The following NPAS3 variants were observed in gnomAD, a reference collection of about 807,000 sequenced individuals.
The protein encoded by NPAS3 is neuronal PAS domain-containing protein 3.
NPAS3 carries 14 observed loss-of-function variants against 73.1 expected under a neutral mutation model. The ratio of observed to expected loss-of-function variants is 0.19; its 90% confidence interval spans 0.13 to 0.30. NPAS3 has a LOEUF of 0.30. Ranked by LOEUF, NPAS3 falls within the 10% of genes least tolerant of loss-of-function variation. The pLI is 1.00. For missense variants in NPAS3, 1,096 were observed against 1,250.0 expected (o/e 0.88, Z 1.86); for synonymous variants, 620 against 541.5 (o/e 1.14, Z -2.01).
chr14:33,644,523 A>G (rs1265871250), intron 5 of NPAS3, among the ~76,000 whole-genome samples: 1 of 152,136 alleles, frequency 6.6e-6, no homozygotes, highest in East Asian at 1.9e-4. Flanking sequence ...CATAAGTCAC[A>G]TATCTGTTTT....
intron 3 of NPAS3, among the ~76,000 whole-genome samples, chr14:33,281,465 C>T (rs965189969): frequency 6.6e-6 from 1 of 152,082 alleles, no homozygotes; most frequent in Non-Finnish European, 1.5e-5. Context: ...AACTCGGTCT[C>T]TACTAAAAAT....
intron 2 of NPAS3, among the ~76,000 whole-genome samples, chr14:33,112,621 G>A (rs1235589706): frequency 1.3e-5 from 2 of 152,108 alleles, no homozygotes; most frequent in African/African-American, 2.4e-5. Context: ...TAGGTTTCCT[G>A]TTCACTCTGA....
chr14:33,312,370 T>A (rs1256557451), intron 3 of NPAS3, among the ~76,000 whole-genome samples: 2 of 151,966 alleles, frequency 1.3e-5, no homozygotes, highest in Non-Finnish European at 2.9e-5. Context: ...CCTTACAGCT[T>A]GGTTGATAAA....
At chr14:33,599,105 A>G (rs1015891108) in intron 5 of NPAS3, among the ~76,000 whole-genome samples, 5 of 151,994 alleles carry the variant, frequency 3.3e-5, no homozygotes, top group Admixed American at 2.6e-4. Context: ...GGAAGAATCA[A>G]CCCACTCTCA....
rs10152003 is a variant in NPAS3 at position 33,124,773 on chromosome 14, T to C, written c.140+68779T>C. Among the ~76,000 whole-genome samples, 172 of 152,270 alleles carry C rather than the reference T, an allele frequency of 1.1e-3. 1 individual carries two copies. Among genetic ancestry groups the C allele is most frequent in the African/African-American group, 3.9e-3 (161 of 41,576 alleles). ...GACACTGTCTTTTAAGCAGACTTTA[T>C]AATTGAGTATAAAATAAGAAAGATG... On this transcript the variant is annotated intron_variant, in intron 2 of 11. Coordinates refer to ENST00000356141, the Ensembl canonical transcript of NPAS3.
At chr14:33,627,115 T>G (rs1273998415) in intron 5 of NPAS3, among the ~76,000 whole-genome samples, 1 of 152,088 alleles carries the variant, frequency 6.6e-6, no homozygotes, top group African/African-American at 2.4e-5. Flanking sequence ...TAGTCTAAAA[T>G]TATAAAGTTT....
chr14:33,294,253 G>T (rs571635951), intron 3 of NPAS3, among the ~76,000 whole-genome samples: 1 of 152,108 alleles, frequency 6.6e-6, no homozygotes, highest in Non-Finnish European at 1.5e-5. Context: ...ACCCACATTG[G>T]TCTTCTTTCA....
At chr14:33,405,196 G>T (rs374275254) in intron 4 of NPAS3, among the ~76,000 whole-genome samples, 1 of 152,060 alleles carries the variant, frequency 6.6e-6, no homozygotes, top group South Asian at 2.1e-4. Context: ...GGATGGTCTG[G>T]ACTTGTGTTC....
At chr14:33,140,322 G>A (rs1474478310) in intron 2 of NPAS3, among the ~76,000 whole-genome samples, 1 of 152,056 alleles carries the variant, frequency 6.6e-6, no homozygotes, top group East Asian at 1.9e-4. Context: ...GAAAGTAAGG[G>A]GATAGAAGAT....
intron 3 of NPAS3, among the ~76,000 whole-genome samples, chr14:33,281,643 T>C (rs1295741810): frequency 2.0e-5 from 3 of 152,150 alleles, no homozygotes; most frequent in Non-Finnish European, 4.4e-5. Context: ...AAAAAAATTT[T>C]TTTTCTGTGC....
intron 5 of NPAS3, among the ~76,000 whole-genome samples, chr14:33,624,572 T>TG (rs1463791785): frequency 2.0e-5 from 3 of 151,634 alleles, no homozygotes; most frequent in Non-Finnish European, 4.4e-5. Context: ...CTATGTAGTT[T>TG]TTTTTTTTTT....
chr14:33,725,227 A>G (rs1274016534), intron 6 of NPAS3, among the ~76,000 whole-genome samples: 1 of 152,154 alleles, frequency 6.6e-6, no homozygotes, highest in Admixed American at 6.5e-5. Flanking sequence ...ACAAACCTGC[A>G]CGTTGGGCAC....
intron 6 of NPAS3, among the ~76,000 whole-genome samples, chr14:33,686,720 G>C (rs116191702): frequency 0.023 from 3,434 of 152,222 alleles, 121 homozygotes; most frequent in African/African-American, 0.077. Context: ...AAGCAGGCTG[G>C]CACCAGAGCC....
At chr14:33,069,782 A>G (rs972803346) in intron 2 of NPAS3, among the ~76,000 whole-genome samples, 2 of 152,222 alleles carry the variant, frequency 1.3e-5, no homozygotes, top group Admixed American at 1.3e-4. Context: ...CTAAAAGAGG[A>G]TTTAACATTT....
chr14:33,222,584 C>T (rs1046364400), intron 3 of NPAS3, among the ~76,000 whole-genome samples: 2 of 152,124 alleles, frequency 1.3e-5, no homozygotes, highest in African/African-American at 4.8e-5. Context: ...ACTTAAATAG[C>T]AATTTGTTTC....
intron 4 of NPAS3, among the ~76,000 whole-genome samples, chr14:33,456,823 C>T (rs1227362925): frequency 6.6e-6 from 1 of 152,036 alleles, no homozygotes; most frequent in East Asian, 1.9e-4. Flanking sequence ...AACAGAAAGG[C>T]AGAAATGGGG....
chr14:33,328,021 A>G (rs141413537), intron 3 of NPAS3, among the ~76,000 whole-genome samples: 1 of 152,272 alleles, frequency 6.6e-6, no homozygotes, highest in African/African-American at 2.4e-5. Context: ...CTTCTCCATT[A>G]TTTTATGTTT....
intron 3 of NPAS3, among the ~76,000 whole-genome samples, chr14:33,341,499 G>A (rs1048437077): frequency 6.6e-6 from 1 of 151,776 alleles, no homozygotes; most frequent in African/African-American, 2.4e-5. Context: ...GTCGTGCTAT[G>A]GACTAGTGTC....
At chr14:33,066,699 T>C (rs1463319126) in intron 2 of NPAS3, among the ~76,000 whole-genome samples, 2 of 152,172 alleles carry the variant, frequency 1.3e-5, no homozygotes, top group Non-Finnish European at 2.9e-5. Flanking sequence ...AGAATGACTA[T>C]AGCCACATTT....
Sources: gnomAD v4.1 joint callset for allele counts (sites outside exome capture counted in the v4.1 genomes callset) on GRCh38, gnomAD v4.1.1 for gene constraint, MANE v1.5 for transcripts, NCBI Gene and HGNC (gene_info 2026-07-23, HGNC 2026-07-21) for gene names.